AGMO: variants seen among roughly 807,000 people sequenced by gnomAD.
The protein encoded by AGMO is glyceryl-ether monooxygenase.
AGMO carries 75 observed loss-of-function variants against 60.2 expected under a neutral mutation model. The observed-to-expected ratio is 1.25, with a 90% CI of 1.03 to 1.51. The LOEUF (loss-of-function observed/expected upper bound fraction) is 1.51, where lower values mean the gene tolerates loss of function less well. AGMO is among the 40% of genes most tolerant of loss of function. The pLI is 0.00. For missense variants in AGMO, 763 were observed against 525.5 expected (o/e 1.45, Z -4.42); for synonymous variants, 261 against 177.1 (o/e 1.47, Z -3.76).
At chr7:15,237,989 T>TGA (rs1265279801) in intron 12 of AGMO, among the ~76,000 whole-genome samples, 1 of 152,144 alleles carries the variant, frequency 6.6e-6, no homozygotes, top group East Asian at 1.9e-4. Context: ...AGCCTAACTT[T>TGA]GATTAGTCCC....
At chr7:15,139,898 C>T in the AGMO span, among the ~76,000 whole-genome samples, 51,743 of 148,462 alleles carry the variant, frequency 0.35, 10,345 homozygotes, top group East Asian at 0.65. Context: ...CAGCATTTAA[C>T]CCAACTATAT....
chr7:15,490,256 T>A, intron 3 of AGMO, among the ~76,000 whole-genome samples: 1 of 152,230 alleles, frequency 6.6e-6, no homozygotes, highest in East Asian at 1.9e-4. Flanking sequence ...GAAATTTTGA[T>A]AATTTGTTTA....
the AGMO span, among the ~76,000 whole-genome samples, chr7:15,132,063 C>A: frequency 6.6e-6 from 1 of 152,052 alleles, no homozygotes; most frequent in African/African-American, 2.4e-5. Context: ...CCTTCTGAGG[C>A]AGAGAGGAGT....
At chr7:15,372,315 G>C (rs556478945) in intron 10 of AGMO, among the ~76,000 whole-genome samples, 33 of 152,048 alleles carry the variant, frequency 2.2e-4, no homozygotes, top group Non-Finnish European at 4.7e-4. Flanking sequence ...GCCAGGCATG[G>C]TGGCACACAC....
At chr7:15,408,341 A>T (rs570559222) in intron 5 of AGMO, among the ~76,000 whole-genome samples, 2 of 152,052 alleles carry the variant, frequency 1.3e-5, no homozygotes, top group African/African-American at 4.8e-5. Flanking sequence ...GGGTTCTAAA[A>T]TAATCATCAC....
intron 9 of AGMO, among the ~76,000 whole-genome samples, 186 bp downstream of exon 9, chr7:15,387,220 G>A (rs1426406655): frequency 6.6e-6 from 1 of 152,168 alleles, no homozygotes; most frequent in Non-Finnish European, 1.5e-5. Context: ...CCTGGGAGAA[G>A]GCACTCCTTT....
the AGMO span, among the ~76,000 whole-genome samples, chr7:15,188,498 A>C: frequency 6.6e-6 from 1 of 152,184 alleles, no homozygotes. Flanking sequence ...TAAGGACATG[A>C]GTCTGTAGTT....
Position 15,201,096 on chromosome 7 carries a change from C to T in AGMO, c.*189G>A, listed in dbSNP as rs967777105. The T allele has an allele frequency of 2.4e-5, 10 of 417,256 alleles. No individual in the cohort carries two copies. Among genetic ancestry groups the T allele is most frequent in the Non-Finnish European group, 3.8e-5 (9 of 239,852 alleles). 25.8% of individuals were successfully genotyped at this position (417,256 alleles called of 1,614,324 possible). A position where few individuals can be genotyped will look rare whatever the true frequency, so the allele number is the denominator to read the frequency against. ...AATTGTAGTAAAGGGGGGAAGTAAC[C>T]AAAACTGACTTTAATTTTTAATAGA... On this transcript the variant is annotated 3_prime_UTR_variant, in exon 13 of 13. Transcript: ENST00000342526.
intron 4 of AGMO, among the ~76,000 whole-genome samples, chr7:15,425,921 A>C (rs1306718628): frequency 6.6e-6 from 1 of 152,226 alleles, no homozygotes; most frequent in African/African-American, 2.4e-5. Context: ...TAGTAATTTC[A>C]ATTAAGTTCA....
chr7:15,330,625 G>A (rs964506330), intron 12 of AGMO, among the ~76,000 whole-genome samples: 1 of 151,910 alleles, frequency 6.6e-6, no homozygotes, highest in Non-Finnish European at 1.5e-5. Flanking sequence ...TTCTGTTTGC[G>A]CTCACCAACT....
At chr7:15,368,768 T>C (rs1050713694) in intron 10 of AGMO, among the ~76,000 whole-genome samples, 3 of 152,108 alleles carry the variant, frequency 2.0e-5, no homozygotes, top group African/African-American at 7.2e-5. Flanking sequence ...CACAGGAAAC[T>C]CACAGATGAA....
chr7:15,549,183 G>C (rs1784873361), intron 2 of AGMO, among the ~76,000 whole-genome samples: 1 of 143,732 alleles, frequency 7.0e-6, no homozygotes, highest in African/African-American at 2.6e-5. Context: ...ACATGGAAAG[G>C]AACAACCGGT....
At chr7:15,336,500 A>G (rs1341993221) in intron 12 of AGMO, among the ~76,000 whole-genome samples, 1 of 152,080 alleles carries the variant, frequency 6.6e-6, no homozygotes, top group Non-Finnish European at 1.5e-5. Flanking sequence ...AATCAATCTT[A>G]CTAATTCATG....
At chr7:15,340,247 T>C (rs991612476) in intron 12 of AGMO, among the ~76,000 whole-genome samples, 5 of 152,124 alleles carry the variant, frequency 3.3e-5, no homozygotes, top group African/African-American at 1.2e-4. Flanking sequence ...GCAGTTTGAC[T>C]GTGACCCATC....
rs576336131 is a variant in AGMO, at chr7:15,366,799, T to C, written c.1075-577A>G. Among the ~76,000 whole-genome samples the C allele has an allele frequency of 3.1e-3, 474 of 152,180 alleles. 4 individuals carry two copies. The highest frequency in any genetic ancestry group is 0.027 in the Middle Eastern group (8 of 294). ...CATTAGTGTGCTCTTCATGTTAATA[T>C]GGCAGAGTTTTGTAAACTAAATTAA... On this transcript the variant is annotated intron_variant, in intron 10 of 12. Transcript: ENST00000342526.
intron 12 of AGMO, among the ~76,000 whole-genome samples, chr7:15,210,603 T>C (rs997983177): frequency 2.0e-5 from 3 of 152,128 alleles, no homozygotes; most frequent in African/African-American, 7.2e-5. Context: ...GTAATCTATA[T>C]TACTAGGTAA....
intron 12 of AGMO, among the ~76,000 whole-genome samples, chr7:15,341,040 G>T (rs1284534222): frequency 6.6e-6 from 1 of 152,144 alleles, no homozygotes; most frequent in African/African-American, 2.4e-5. Context: ...TCCACCTCTA[G>T]CATCAGAGTA....
At chr7:15,139,645 G>T in the AGMO span, among the ~76,000 whole-genome samples, 1 of 151,484 alleles carries the variant, frequency 6.6e-6, no homozygotes, top group African/African-American at 2.4e-5. Context: ...TGATGGCCAG[G>T]TATTAGAGTT....
intron 12 of AGMO, among the ~76,000 whole-genome samples, chr7:15,237,232 G>A (rs1782450226): frequency 6.6e-6 from 1 of 152,154 alleles, no homozygotes; most frequent in African/African-American, 2.4e-5. Flanking sequence ...TGTGCGTGGA[G>A]AAATTGTGTT....
Sources: allele counts gnomAD v4.1 joint callset (sites outside exome capture counted in the v4.1 genomes callset), GRCh38; gene constraint gnomAD v4.1.1; transcripts MANE v1.5; gene names NCBI Gene and HGNC (gene_info 2026-07-23, HGNC 2026-07-21).